Variants in PAQR3 observed in about 807,000 individuals in gnomAD.
PAQR3 encodes progestin and adipoQ receptor family member 3.
PAQR3 carries 39 observed loss-of-function variants against 41.7 expected under a neutral mutation model. That is an observed-to-expected ratio of 0.93 (90% CI 0.72 to 1.22). PAQR3 has a LOEUF of 1.22. PAQR3 is among the 50% of genes most tolerant of loss of function. The pLI, the probability that PAQR3 is intolerant of heterozygous loss-of-function variation, is 0.00. For synonymous variants in PAQR3, 140 were observed against 140.6 expected, an observed-to-expected ratio of 1.00 and a Z score of 0.03; for missense variants, 366 against 385.6, an observed-to-expected ratio of 0.95 and a Z score of 0.42.
chr4:78,938,754 C>A (rs944009055), intron 1 of PAQR3, among the ~76,000 whole-genome samples: 9 of 151,820 alleles, frequency 5.9e-5, no homozygotes, highest in African/African-American at 2.2e-4. Context: ...CTCAATGAGC[C>A]GAACAAACCG....
At position 78,930,228 on chromosome 4, in the gene PAQR3, G is replaced by C. The variant is rs929178146; in HGVS notation, c.446C>G (p.Ser149Cys). Residue 149 changes from serine (S) to cysteine (C), a missense_variant, in exon 3 of 6, where the codon TCT becomes TGT. Physicochemically the swap from Ser to Cys is moderately radical, Grantham distance 112 (BLOSUM62 -1). Transcript: ENST00000512733. Reference sequence around the variant, plus strand: ...GACATAGCAGCCCAGTATTCCAATAGAAATTCCTGCATAATCTAATGCCAT... The same window carrying C: ...GACATAGCAGCCCAGTATTCCAATACAAATTCCTGCATAATCTAATGCCAT... ...RWMALDYAGISIGILGCYVSG... is the reference protein window; with the variant it reads ...RWMALDYAGICIGILGCYVSG... The C allele has an allele frequency of 6.2e-7, 1 of 1,613,396 alleles. No homozygotes were observed. The highest frequency in any genetic ancestry group is 1.3e-5 in the African/African-American group (1 of 74,840).
downstream of PAQR3, among the ~76,000 whole-genome samples, chr4:78,908,695 C>T (rs1734408927): frequency 6.6e-6 from 1 of 152,122 alleles, no homozygotes; most frequent in Non-Finnish European, 1.5e-5. Context: ...CTTAATGTCT[C>T]CAAACAAAAT....
chr4:78,893,450 G>A (rs1733545642), intron 11 of PAQR3, among the ~76,000 whole-genome samples: 1 of 152,196 alleles, frequency 6.6e-6, no homozygotes, highest in African/African-American at 2.4e-5. Flanking sequence ...AATCACGAAT[G>A]ATTTTAATGA....
chr4:78,920,389 T>C lies in PAQR3; in HGVS notation c.*150A>G. The C allele has an allele frequency of 7.7e-7, 1 of 1,291,166 alleles. No individual in the cohort carries two copies. Among genetic ancestry groups the C allele is most frequent in the Non-Finnish European group, 9.8e-7 (1 of 1,020,232 alleles). 80.0% of individuals were successfully genotyped at this position (1,291,166 alleles called of 1,614,324 possible). On this transcript the variant is annotated 3_prime_UTR_variant, in exon 6 of 6. Transcript: ENST00000512733. ...TAAAGCAGTTATTACTACAGATCCT[T>C]AAGTATACTTTTTTTCCCATTTTTA...
chr4:78,922,506 C>A, intron 5 of PAQR3: 2 of 1,129,532 alleles, frequency 1.8e-6, no homozygotes, highest in Non-Finnish European at 2.4e-6. Context: ...TGAAAAAAAA[C>A]ATCAGTTTTA....
At chr4:78,907,752 C>A (rs1045137182), downstream of PAQR3, among the ~76,000 whole-genome samples, 4 of 152,132 alleles carry the variant, frequency 2.6e-5, no homozygotes, top group African/African-American at 9.7e-5. Context: ...TTGCTTGAGA[C>A]CACAGAACTG....
chr4:78,910,550 A>G (rs1734533035), downstream of PAQR3: 8 of 1,298,252 alleles, frequency 6.2e-6, no homozygotes, highest in Non-Finnish European at 8.3e-6. Flanking sequence ...ATTAACATTT[A>G]GTGCAAGAGG....
rs1371999186 is a variant in PAQR3, at chr4:78,918,495, ACTTT to A, written c.*2040_*2043del. ...ATAGCAGTGAAAAAATGAGAGGATAACTTTCTTACAATATTTAACATTTTCATAC... is the reference window on the plus strand; with the variant it reads ...ATAGCAGTGAAAAAATGAGAGGATAACTTACAATATTTAACATTTTCATAC... On this transcript the variant is annotated 3_prime_UTR_variant, in exon 6 of 6. Coordinates refer to ENST00000512733, the MANE Select transcript of PAQR3 (RefSeq NM_001040202.2). The A allele has an allele frequency of 4.2e-6, 4 of 961,476 alleles. No individual in the cohort carries two copies. Among genetic ancestry groups the A allele is most frequent in the Non-Finnish European group, 5.0e-6 (4 of 808,078 alleles). 59.6% of individuals were successfully genotyped at this position (961,476 alleles called of 1,614,324 possible). A position where few individuals can be genotyped will look rare whatever the true frequency, so the allele number is the denominator to read the frequency against.
At chr4:78,938,703 T>C (rs1737698605) in intron 1 of PAQR3, among the ~76,000 whole-genome samples, 1 of 152,088 alleles carries the variant, frequency 6.6e-6, no homozygotes, top group Admixed American at 6.6e-5. Flanking sequence ...AAGAAAGGTA[T>C]ACACCGGGCA....
downstream of PAQR3, chr4:78,911,759 C>G (rs781182898): frequency 6.2e-7 from 1 of 1,613,990 alleles, no homozygotes; most frequent in South Asian, 1.1e-5. Context: ...CCCTTCGGTG[C>G]CAAGCCCTTC....
intron 2 of PAQR3, chr4:78,933,222 T>C (rs1159170756): frequency 4.4e-6 from 2 of 456,172 alleles, no homozygotes; most frequent in African/African-American, 2.0e-5. Context: ...ACCGATGCCT[T>C]GTATAGTGTC....
intron 5 of PAQR3, chr4:78,922,035 T>C: frequency 9.8e-7 from 1 of 1,018,774 alleles, no homozygotes; most frequent in South Asian, 4.0e-5. Context: ...ATGGTCATAA[T>C]CACATAGAGA....
chr4:78,909,121 C>T (rs1264039610), downstream of PAQR3, among the ~76,000 whole-genome samples: 1 of 134,552 alleles, frequency 7.4e-6, no homozygotes, highest in African/African-American at 2.9e-5. Context: ...TGCAGTGGTG[C>T]GATCTTGGCT....
chr4:78,933,606 T>C (rs1737137025), intron 2 of PAQR3, among the ~76,000 whole-genome samples: 1 of 152,218 alleles, frequency 6.6e-6, no homozygotes. Flanking sequence ...CTCATCTGTC[T>C]TTAGTAAGTT....
chr4:78,895,588 G>A (rs983969517), intron 11 of PAQR3, among the ~76,000 whole-genome samples: 2 of 152,018 alleles, frequency 1.3e-5, no homozygotes, highest in Admixed American at 1.3e-4. Context: ...AAAGTTGAAA[G>A]TGAGACTTGG....
chr4:78,937,165 C>T (rs542660880), intron 1 of PAQR3, among the ~76,000 whole-genome samples: 1 of 152,338 alleles, frequency 6.6e-6, no homozygotes, highest in African/African-American at 2.4e-5. Flanking sequence ...AACATCTGAG[C>T]CCCTGTCCCA....
Position 78,911,974 on chromosome 4 carries a change from C to T in PAQR3, c.*8565G>A, listed in dbSNP as rs574634704. The T allele has an allele frequency of 5.0e-6, 8 of 1,613,904 alleles. No homozygotes were observed. The highest frequency in any genetic ancestry group is 1.1e-5 in the South Asian group (1 of 91,062). On this transcript the variant is annotated 3_prime_UTR_variant, in exon 6 of 6. Transcript: ENST00000512733. ...AAGCATCACTCCACATCAGTCCCAA[C>T]AGTCCCAACCAGTCGAATTAGACCC...
downstream of PAQR3, among the ~76,000 whole-genome samples, chr4:78,908,882 C>CA: frequency 1.3e-5 from 2 of 152,092 alleles, no homozygotes; most frequent in Admixed American, 1.3e-4. Flanking sequence ...TCACGCCACT[C>CA]ATTCTTTTCT....
downstream of PAQR3, among the ~76,000 whole-genome samples, chr4:78,908,716 C>G (rs996247772): frequency 6.6e-6 from 1 of 152,102 alleles, no homozygotes; most frequent in African/African-American, 2.4e-5. Context: ...TTTTAGTACT[C>G]CTCTTCACTT....
Sources: gnomAD v4.1 joint callset for allele counts (sites outside exome capture counted in the v4.1 genomes callset) on GRCh38, gnomAD v4.1.1 for gene constraint, MANE v1.5 for transcripts, NCBI Gene and HGNC (gene_info 2026-07-23, HGNC 2026-07-21) for gene names.